Variants in ADGRG6 observed in about 807,000 individuals in gnomAD.
The protein encoded by ADGRG6 is adhesion G protein-coupled receptor G6, also known as G-protein coupled receptor 126.
In ADGRG6, 84 loss-of-function variants were observed where a neutral mutation model predicts 142.4. The observed-to-expected ratio is 0.59, with a 90% confidence interval of 0.49 to 0.71. The LOEUF is 0.71. ADGRG6 is among the 30% of genes least tolerant of loss of function. The pLI is 0.00. For synonymous variants in ADGRG6, 521 were observed against 520.5 expected, an observed-to-expected ratio of 1.00 and a Z score of -0.01; for missense variants, 1,367 against 1,466.6, an observed-to-expected ratio of 0.93 and a Z score of 1.11.
intron 22 of ADGRG6, among the ~76,000 whole-genome samples, chr6:142,428,539 G>A (rs1037253180): frequency 3.9e-5 from 6 of 152,080 alleles, no homozygotes; most frequent in Non-Finnish European, 7.4e-5. Context: ...ATTTATAAAG[G>A]GAAGAGGTTT....
intron 4 of ADGRG6, among the ~76,000 whole-genome samples, chr6:142,377,243 A>G (rs1781544596): frequency 1.3e-5 from 2 of 152,220 alleles, no homozygotes; most frequent in Admixed American, 1.3e-4. Flanking sequence ...AAAAGGAAAA[A>G]CAAAACAAAA....
intron 4 of ADGRG6, among the ~76,000 whole-genome samples, chr6:142,378,633 A>G (rs1344724163): frequency 1.3e-5 from 2 of 152,200 alleles, no homozygotes; most frequent in Middle Eastern, 3.4e-3. Flanking sequence ...TAAGTTTTCA[A>G]TCTTTAAAAC....
intron 24 of ADGRG6, among the ~76,000 whole-genome samples, chr6:142,442,530 G>A (rs1038521994): frequency 3.9e-5 from 6 of 151,902 alleles, no homozygotes; most frequent in African/African-American, 1.4e-4. Context: ...AAATTATTTA[G>A]CAGTCCTTTA....
intron 4 of ADGRG6, among the ~76,000 whole-genome samples, chr6:142,372,308 T>C (rs1442564517): frequency 2.0e-5 from 3 of 152,210 alleles, no homozygotes; most frequent in Non-Finnish European, 1.5e-5. Flanking sequence ...CAGACATAAC[T>C]CTCAATTAAA....
intron 22 of ADGRG6, among the ~76,000 whole-genome samples, chr6:142,432,682 C>G (rs1167713541): frequency 6.6e-6 from 1 of 152,142 alleles, no homozygotes; most frequent in Non-Finnish European, 1.5e-5. Flanking sequence ...ACTATACAAT[C>G]TAAAAAATTG....
intron 14 of ADGRG6, among the ~76,000 whole-genome samples, chr6:142,404,950 A>G (rs551224142): frequency 1.3e-5 from 2 of 152,310 alleles, no homozygotes; most frequent in Middle Eastern, 3.4e-3. Context: ...ACTACATGCC[A>G]GGCACTATTA....
At chr6:142,341,558 A>G (rs1319054660) in intron 2 of ADGRG6, among the ~76,000 whole-genome samples, 5 of 121,868 alleles carry the variant, frequency 4.1e-5, no homozygotes, top group Non-Finnish European at 8.2e-5. Flanking sequence ...TATAGTATAT[A>G]TACTATATAA....
intron 22 of ADGRG6, among the ~76,000 whole-genome samples, chr6:142,433,759 A>G (rs1027061589): frequency 5.9e-5 from 9 of 152,210 alleles, no homozygotes; most frequent in Non-Finnish European, 1.3e-4. Context: ...TTCTTTTGTT[A>G]AATTAGAACT....
At chr6:142,335,716 G>C (rs1295975995) in intron 2 of ADGRG6, among the ~76,000 whole-genome samples, 1 of 152,048 alleles carries the variant, frequency 6.6e-6, no homozygotes, top group East Asian at 1.9e-4. Context: ...GGGTGGGAGA[G>C]AAAAGAGATC....
intron 1 of ADGRG6, among the ~76,000 whole-genome samples, chr6:142,304,261 C>T (rs1185457024): frequency 2.0e-5 from 3 of 152,114 alleles, no homozygotes; most frequent in Admixed American, 2.0e-4. Context: ...TTTCTGCCTC[C>T]TCCTTGTGGA....
intron 7 of ADGRG6, among the ~76,000 whole-genome samples, chr6:142,390,914 C>T (rs1476544383): frequency 6.6e-6 from 1 of 151,716 alleles, no homozygotes; most frequent in Non-Finnish European, 1.5e-5. Context: ...ACATACCGTT[C>T]TATACCGTAC....
intron 2 of ADGRG6, among the ~76,000 whole-genome samples, chr6:142,332,360 G>C (rs1433455134): frequency 6.6e-6 from 1 of 152,048 alleles, no homozygotes; most frequent in Non-Finnish European, 1.5e-5. Context: ...TAGGTATTAG[G>C]TGTCTTTACA....
intron 7 of ADGRG6, among the ~76,000 whole-genome samples, chr6:142,391,166 AT>A (rs1421976290): frequency 6.6e-6 from 1 of 151,532 alleles, no homozygotes; most frequent in Non-Finnish European, 1.5e-5. Context: ...CAACACATGG[AT>A]TTTTTCATTT....
intron 2 of ADGRG6, among the ~76,000 whole-genome samples, chr6:142,366,086 G>A (rs565733910): frequency 6.6e-6 from 1 of 152,228 alleles, no homozygotes; most frequent in East Asian, 1.9e-4. Flanking sequence ...GTGAATATTA[G>A]TTGCAAAAGC....
intron 1 of ADGRG6, 33 bp downstream of exon 1, chr6:142,302,364 ACT>A: frequency 6.2e-7 from 1 of 1,607,892 alleles, no homozygotes; most frequent in African/African-American, 1.3e-5. Flanking sequence ...GAATTCCTTC[ACT>A]CTTTTATCTG....
intron 24 of ADGRG6, among the ~76,000 whole-genome samples, chr6:142,439,556 C>T (rs1040649556): frequency 6.6e-6 from 1 of 152,170 alleles, no homozygotes; most frequent in Non-Finnish European, 1.5e-5. Context: ...GGGGTGGCCA[C>T]TGCCTGGGAT....
Position 142,397,663 on chromosome 6 carries a change from T to C in ADGRG6, c.1475T>C (p.Leu492Ser). The change falls in exon 10 of 25, where the codon TTG (leucine) becomes TCG (serine). Residue 492 changes from leucine (L) to serine (S), a missense_variant. Around this residue, in one of 3 missense-constraint regions of ADGRG6, gnomAD observed 737 missense variants for 746.5 expected, o/e 0.99. Transcript: ENST00000367609. The part of the protein sequence containing the change: ...LVYNATNNTN[L>S]EGKIIQQKLL... ...TACAATGCTACCAACAATACTAATT[T>C]GGAAGGAAAAATCATTCAGCAGAAG... The C allele has an allele frequency of 6.2e-7, 1 of 1,609,240 alleles. No homozygotes were observed. Among genetic ancestry groups the C allele is most frequent in the Non-Finnish European group, 8.5e-7 (1 of 1,176,742 alleles).
intron 4 of ADGRG6, chr6:142,370,995 A>G: frequency 3.5e-6 from 2 of 564,120 alleles, no homozygotes; most frequent in South Asian, 4.5e-5. Context: ...ACATTTGATT[A>G]TAAGCCATGC....
At chr6:142,308,044 T>C (rs930940265) in intron 1 of ADGRG6, among the ~76,000 whole-genome samples, 2 of 152,010 alleles carry the variant, frequency 1.3e-5, no homozygotes, top group Non-Finnish European at 2.9e-5. Flanking sequence ...GCATATGAGA[T>C]TAATCTTGTT....
Sources: allele counts gnomAD v4.1 joint callset (sites outside exome capture counted in the v4.1 genomes callset), GRCh38; gene constraint gnomAD v4.1.1; regional missense constraint gnomAD v4.1.1; transcripts MANE v1.5; gene names NCBI Gene and HGNC (gene_info 2026-07-23, HGNC 2026-07-21).